Variants in ANKRD16 observed in about 807,000 individuals in gnomAD.
ANKRD16 encodes ankyrin repeat domain 16.
ANKRD16 carries 35 observed loss-of-function variants against 37.9 expected under a neutral mutation model. The ratio of observed to expected loss-of-function variants is 0.92; its 90% CI spans 0.71 to 1.23. The LOEUF is 1.23. Among genes scored for constraint, ANKRD16 ranks in the 50% most tolerant of loss-of-function variants. ANKRD16 has a pLI of 0.00. For synonymous variants in ANKRD16, 206 were observed against 197.2 expected (o/e 1.04, Z -0.37); for missense variants, 480 against 469.9 (o/e 1.02, Z -0.20).
At position 5,866,292 on chromosome 10, in the gene ANKRD16, C is replaced by T. The variant is rs1002266413; in HGVS notation, c.*34-3601G>A. On this transcript the variant is annotated intron_variant, in intron 7 of 7. Coordinates refer to ENST00000380094, the MANE Select transcript of ANKRD16 (RefSeq NM_019046.3). The surrounding 1 kb of genome is among the most constrained non-coding windows in gnomAD (Gnocchi z 4.3). ...AGTTATAGTCCAGACTTATGCTGCC[C>T]GAGATGAATTCTTAGAAGTCCCCTT... Among the ~76,000 whole-genome samples, 6 of 152,112 alleles carry T rather than the reference C, an allele frequency of 3.9e-5. No individual in the cohort carries two copies. Among genetic ancestry groups the T allele is most frequent in the South Asian group, 4.1e-4 (2 of 4,828 alleles).
rs570361601 is a variant in ANKRD16, at chr10:5,884,587, C to T, written c.579-510G>A. Among the ~76,000 whole-genome samples the T allele has an allele frequency of 2.6e-5, 4 of 152,126 alleles. No individual in the cohort carries two copies. The South Asian group carries it at 8.3e-4, about 32-fold the overall frequency. ...CTCTACCAAAAATATAAAAAATTAG[C>T]CAGGTATGGTGGCATGCACCTGCAA... On this transcript the variant is annotated intron_variant, in intron 3 of 7. Coordinates refer to ENST00000380094, the MANE Select transcript of ANKRD16 (RefSeq NM_019046.3).
chr10:5,875,880 T>G (rs1842177238), intron 7 of ANKRD16, among the ~76,000 whole-genome samples: 2 of 151,692 alleles, frequency 1.3e-5, no homozygotes, highest in African/African-American at 4.8e-5. Context: ...GCCAGGCTAA[T>G]TTTTTTGTTT....
At chr10:5,872,885 G>C (rs185167419) in intron 7 of ANKRD16, among the ~76,000 whole-genome samples, 2 of 151,310 alleles carry the variant, frequency 1.3e-5, no homozygotes, top group East Asian at 2.0e-4. Flanking sequence ...TCTTGAGAGG[G>C]AGTCTCACTC....
At chr10:5,876,305 G>T (rs1413915275) in intron 7 of ANKRD16, among the ~76,000 whole-genome samples, 1 of 152,230 alleles carries the variant, frequency 6.6e-6, no homozygotes, top group Non-Finnish European at 1.5e-5. Context: ...GGGGACAACA[G>T]TGTAACATGC....
intron 7 of ANKRD16, among the ~76,000 whole-genome samples, chr10:5,872,566 AT>A (rs556828807): frequency 1.8e-4 from 27 of 151,756 alleles, no homozygotes; most frequent in African/African-American, 5.8e-4. Flanking sequence ...TTATGTAGGT[AT>A]TTTTTTTGAG....
intron 3 of ANKRD16, among the ~76,000 whole-genome samples, chr10:5,885,325 C>T (rs1035424235): frequency 2.6e-5 from 4 of 152,060 alleles, no homozygotes; most frequent in Non-Finnish European, 5.9e-5. Flanking sequence ...GGACTACAGG[C>T]GCCCGCCACC....
At position 5,880,175 on chromosome 10, in the gene ANKRD16, TAAAAAAAAAA is replaced by T. The variant is rs56264154; in HGVS notation, c.928+113_928+122del. 5.9e-3 allele frequency: 657 copies of T among 112,262 alleles called. 1 individual carries two copies. Among genetic ancestry groups the T allele is most frequent in the South Asian group, 0.014 (102 of 7,496 alleles). 7.0% of individuals were successfully genotyped at this position (112,262 alleles called of 1,614,324 possible). A position where few individuals can be genotyped will look rare whatever the true frequency, so the allele number is the denominator to read the frequency against. The stretch of plus-strand genomic sequence containing the variant: ...ACTCTTGTCTCAACACCACCACCAC[TAAAAAAAAAA>T]AAAAAAAAAAAAAAAAAAAGGAAGA... On this transcript the variant is annotated intron_variant, in intron 6 of 7. Transcript: ENST00000380094.
rs1363055250 is a variant in ANKRD16, at chr10:5,865,710, G to A, written c.*34-3019C>T. 6.6e-6 allele frequency among the ~76,000 whole-genome samples: 1 copy of A among 152,186 alleles called. No individual in the cohort carries two copies. Among genetic ancestry groups the A allele is most frequent in the East Asian group, 1.9e-4 (1 of 5,202 alleles). ...GCCTGAAAGTTCCACACCCTTATTA[G>A]GGAGGGACATATTAGCCAAAGCTGG... is the stretch of plus-strand genomic sequence containing the variant. On this transcript the variant is annotated intron_variant, in intron 7 of 7. Coordinates refer to ENST00000380094, the MANE Select transcript of ANKRD16 (RefSeq NM_019046.3). The surrounding 1 kb of genome is among the most constrained non-coding windows in gnomAD (Gnocchi z 4.7).
chr10:5,880,642 G>T (rs77670253), intron 5 of ANKRD16, among the ~76,000 whole-genome samples: 1 of 151,522 alleles, frequency 6.6e-6, no homozygotes, highest in Non-Finnish European at 1.5e-5. Context: ...AGCAGGGGGG[G>T]GATTAGGCAA....
rs1377314437 is a variant in ANKRD16 at position 5,871,743 on chromosome 10, C to T, written c.*33+6354G>A. ...TCCGAAGAGCCTTATCCCACAGAGC[C>T]CTCACTCCCTCACCGCTGGCTTCCT... is the stretch of plus-strand genomic sequence containing the variant. On this transcript the variant is annotated intron_variant, in intron 7 of 7. Coordinates refer to ENST00000380094, the MANE Select transcript of ANKRD16 (RefSeq NM_019046.3). The surrounding 1 kb of genome is among the most constrained non-coding windows in gnomAD (Gnocchi z 4.5). Among the ~76,000 whole-genome samples, 2 of 152,154 alleles carry T rather than the reference C, an allele frequency of 1.3e-5. No homozygotes were observed. Among genetic ancestry groups the T allele is most frequent in the Non-Finnish European group, 2.9e-5 (2 of 68,024 alleles).
chr10:5,883,110 T>C lies in ANKRD16; in HGVS notation c.745A>G (p.Thr249Ala). 6.2e-7 allele frequency: 1 copy of C among 1,614,124 alleles called. No individual in the cohort carries two copies. The highest frequency in any genetic ancestry group is 2.2e-5 in the East Asian group (1 of 44,882). Residue 249 changes from threonine to alanine, a missense_variant, in exon 5 of 8, where the codon ACA (threonine) becomes GCA (alanine). Coordinates refer to ENST00000380094, the MANE Select transcript of ANKRD16 (RefSeq NM_019046.3). ...AATCGGATGGCTTCGTCCTGCCCTG[T>C]GACAGCTGCCCTGTGCAGAGCCTGG... is the stretch of plus-strand genomic sequence containing the variant. ...GAQALHRAAV[T>A]GQDEAIRFLV...
rs1038018083 is a variant in ANKRD16 at position 5,871,889 on chromosome 10, A to G, written c.*33+6208T>C. Among the ~76,000 whole-genome samples, 5 of 152,006 alleles carry G rather than the reference A, an allele frequency of 3.3e-5. No individual in the cohort carries two copies. Among genetic ancestry groups the G allele is most frequent in the Admixed American group, 3.3e-4 (5 of 15,258 alleles). ...TCTTCTTTCCTTTCCTTCACCACAC[A>G]ATGCAGCCAAGGGTGCAGAGAGTTG... On this transcript the variant is annotated intron_variant, in intron 7 of 7. Transcript: ENST00000380094. This position sits in a 1 kb window ranked among gnomAD's most constrained non-coding sequence, Gnocchi z 4.5.
At chr10:5,873,087 T>G (rs1326622694) in intron 7 of ANKRD16, among the ~76,000 whole-genome samples, 1 of 149,050 alleles carries the variant, frequency 6.7e-6, no homozygotes, top group African/African-American at 2.5e-5. Context: ...TGGAGTGCAG[T>G]GACATGATCT....
At position 5,879,513 on chromosome 10, in the gene ANKRD16, G is replaced by A. The variant is rs552315237; in HGVS notation, c.928+785C>T. ...ACTAAACCCTTGCAAGATGGCCTTT[G>A]GCTCACAGAATGTTAGAGGGTTTAT... is the stretch of plus-strand genomic sequence containing the variant. On this transcript the variant is annotated intron_variant, in intron 6 of 7. Transcript: ENST00000380094. Among the ~76,000 whole-genome samples, 6 of 151,792 alleles carry A rather than the reference G, an allele frequency of 4.0e-5. 1 individual carries two copies. Among genetic ancestry groups the A allele is most frequent in the African/African-American group, 1.4e-4 (6 of 41,390 alleles).
chr10:5,864,657 G>A lies in ANKRD16; in HGVS notation c.*34-1966C>T, dbSNP rs1350932927. On this transcript the variant is annotated intron_variant, in intron 7 of 7. Coordinates refer to ENST00000380094, the MANE Select transcript of ANKRD16 (RefSeq NM_019046.3). This position sits in a 1 kb window ranked among gnomAD's most constrained non-coding sequence, Gnocchi z 4.4. ...TCAAGTAAATGACAGAATGACAGCC[G>A]AAGAAAGGGACAAATTCCCTACTGG... Among the ~76,000 whole-genome samples, 2 of 151,736 alleles carry A rather than the reference G, an allele frequency of 1.3e-5. No homozygotes were observed. Among genetic ancestry groups the A allele is most frequent in the African/African-American group, 4.9e-5 (2 of 41,032 alleles).
At position 5,889,124 on chromosome 10, in the gene ANKRD16, C is replaced by T. The variant is rs1313604400; in HGVS notation, c.231G>A (p.Glu77=). 1 of 1,597,260 alleles carries T rather than the reference C, an allele frequency of 6.3e-7. No individual in the cohort carries two copies. The highest frequency in any genetic ancestry group is 1.7e-5 in the Admixed American group (1 of 59,430). The stretch of plus-strand genomic sequence containing the variant: ...AGTCTCGGTGGCCCATGGAGGCCGC[C>T]TCGTGCAGAGGCCGCTTGTAGTCTC... ...TNRDYKRPLH[E]AASMGHRDCV... is the part of the protein sequence containing the mutation. The change falls in exon 1 of 8, where the codon GAG becomes GAA. Residue 77 remains glutamate (E), a synonymous_variant. Coordinates refer to ENST00000380094, the MANE Select transcript of ANKRD16 (RefSeq NM_019046.3).
rs1001722071 is a variant in ANKRD16, at chr10:5,871,690, A to G, written c.*33+6407T>C. On this transcript the variant is annotated intron_variant, in intron 7 of 7. Transcript: ENST00000380094. The surrounding 1 kb of genome is among the most constrained non-coding windows in gnomAD (Gnocchi z 4.5). Reference sequence around the variant, plus strand: ...TCTGCATCTGGAGCTGAGCTCCCCAAGGGCTTCTAAGCCTACTTCCCACAC... The same window carrying G: ...TCTGCATCTGGAGCTGAGCTCCCCAGGGGCTTCTAAGCCTACTTCCCACAC... Among the ~76,000 whole-genome samples the G allele has an allele frequency of 1.3e-5, 2 of 152,070 alleles. No individual in the cohort carries two copies. Among genetic ancestry groups the G allele is most frequent in the African/African-American group, 4.8e-5 (2 of 41,406 alleles).
rs754270105 is a variant in ANKRD16 at position 5,889,071 on chromosome 10, G to GC, written c.283dup (p.Ala95GlyfsTer77). 7.1e-6 allele frequency: 11 copies of GC among 1,559,056 alleles called. No homozygotes were observed. Among genetic ancestry groups the GC allele is most frequent in the African/African-American group, 1.4e-5 (1 of 72,638 alleles). The stretch of plus-strand genomic sequence containing the variant: ...GGCCTTCTTCAGGCAGTCGACCGCT[G>GC]CCCCCCGGCCCAGCAGGTAGCGCAC... On this transcript the variant is annotated frameshift_variant, in exon 1 of 8. Coordinates refer to ENST00000380094, the MANE Select transcript of ANKRD16 (RefSeq NM_019046.3). LOFTEE classifies it high-confidence loss of function.
At position 5,889,150 on chromosome 10, in the gene ANKRD16, G is replaced by C; in HGVS notation, c.205C>G (p.Arg69Gly). ...AWGMDIEATNRDYKRPLHEAA... is the reference protein window; with the variant it reads ...AWGMDIEATNGDYKRPLHEAA... ...TCGTGCAGAGGCCGCTTGTAGTCTC[G>C]GTTGGTGGCCTCGATGTCCATGCCC... The change falls in exon 1 of 8, where the codon CGA (arginine) becomes GGA (glycine). Residue 69 changes from arginine to glycine, a missense_variant. Physicochemically the swap from Arg to Gly is moderately radical, Grantham distance 125. Transcript: ENST00000380094. 1 of 1,598,640 alleles carries C rather than the reference G, an allele frequency of 6.3e-7. No homozygotes were observed. The highest frequency in any genetic ancestry group is 8.5e-7 in the Non-Finnish European group (1 of 1,179,434).
Sources: allele counts gnomAD v4.1 joint callset (sites outside exome capture counted in the v4.1 genomes callset), GRCh38; gene constraint gnomAD v4.1.1; non-coding constraint Gnocchi (gnomAD v3.1); transcripts MANE v1.5; gene names NCBI Gene and HGNC (gene_info 2026-07-23, HGNC 2026-07-21).